Variants in PPP1R14C observed in about 807,000 individuals in gnomAD.
PPP1R14C encodes protein phosphatase 1 regulatory subunit 14C.
PPP1R14C carries 16 observed loss-of-function variants against 20.4 expected under a neutral mutation model. The observed-to-expected ratio is 0.78, with a 90% CI of 0.53 to 1.19. The LOEUF is 1.19. Among genes scored for constraint, PPP1R14C ranks in the 50% most tolerant of loss-of-function variants. The probability of loss-of-function intolerance (pLI) is 0.00; values close to 1 mark genes in which losing one functional copy is unlikely to be tolerated. For missense variants in PPP1R14C, 211 were observed against 220.1 expected (o/e 0.96, Z 0.26); for synonymous variants, 91 against 91.0 (o/e 1.00, Z 0.00).
At chr6:150,154,656 C>A (rs1046524425) in intron 1 of PPP1R14C, among the ~76,000 whole-genome samples, 1 of 152,208 alleles carries the variant, frequency 6.6e-6, no homozygotes, top group Non-Finnish European at 1.5e-5. Flanking sequence ...TAGACTAGTT[C>A]ACCAAAGGGC....
At chr6:150,168,564 A>AAC (rs781378361) in intron 1 of PPP1R14C, among the ~76,000 whole-genome samples, 1 of 142,054 alleles carries the variant, frequency 7.0e-6, no homozygotes, top group African/African-American at 2.7e-5. Context: ...AACAAAACAA[A>AAC]AAAACCCTTG....
At chr6:150,227,781 T>G (rs1393989198) in intron 3 of PPP1R14C, among the ~76,000 whole-genome samples, 1 of 152,200 alleles carries the variant, frequency 6.6e-6, no homozygotes, top group East Asian at 1.9e-4. Flanking sequence ...AAAACTACAT[T>G]TTAGTGGCTG....
chr6:150,160,126 G>T (rs1777348120), intron 1 of PPP1R14C, among the ~76,000 whole-genome samples: 1 of 152,104 alleles, frequency 6.6e-6, no homozygotes, highest in South Asian at 2.1e-4. Flanking sequence ...TGTCAACGTG[G>T]CTTATTACTG....
At chr6:150,162,483 A>G (rs748157369) in intron 1 of PPP1R14C, among the ~76,000 whole-genome samples, 1 of 152,124 alleles carries the variant, frequency 6.6e-6, no homozygotes, top group African/African-American at 2.4e-5. Flanking sequence ...TCACTACACA[A>G]TATACATTTA....
intron 1 of PPP1R14C, among the ~76,000 whole-genome samples, chr6:150,169,115 G>T (rs1056709119): frequency 6.6e-6 from 1 of 152,162 alleles, no homozygotes; most frequent in African/African-American, 2.4e-5. Context: ...GAGCTCAGGC[G>T]ATCCACCCAT....
At chr6:150,189,073 G>A (rs1414185628) in intron 1 of PPP1R14C, among the ~76,000 whole-genome samples, 1 of 151,510 alleles carries the variant, frequency 6.6e-6, no homozygotes, top group Non-Finnish European at 1.5e-5. Context: ...TGGTCAGGCT[G>A]GTCTCAAACT....
chr6:150,223,594 G>A (rs1324638058), intron 3 of PPP1R14C, among the ~76,000 whole-genome samples: 1 of 152,064 alleles, frequency 6.6e-6, no homozygotes, highest in African/African-American at 2.4e-5. Flanking sequence ...CTCTGGTGAC[G>A]TATGATTTGG....
intron 1 of PPP1R14C, among the ~76,000 whole-genome samples, chr6:150,150,753 C>T (rs1330626987): frequency 6.6e-6 from 1 of 152,106 alleles, no homozygotes; most frequent in African/African-American, 2.4e-5. Flanking sequence ...GACCAGCCAC[C>T]CTCCAGGCAC....
chr6:150,190,776 C>T (rs1254427164), intron 1 of PPP1R14C, among the ~76,000 whole-genome samples: 2 of 152,156 alleles, frequency 1.3e-5, no homozygotes, highest in African/African-American at 4.8e-5. Context: ...GCTCTACCTT[C>T]AAAATAGACC....
intron 1 of PPP1R14C, among the ~76,000 whole-genome samples, chr6:150,151,071 G>T (rs1420665173): frequency 6.6e-6 from 1 of 150,964 alleles, no homozygotes; most frequent in Non-Finnish European, 1.5e-5. Flanking sequence ...TCACTCCTGC[G>T]TGCTGTTTTT....
intron 2 of PPP1R14C, among the ~76,000 whole-genome samples, 176 bp downstream of exon 2, chr6:150,215,003 C>T (rs1371424717): frequency 6.6e-6 from 1 of 152,216 alleles, no homozygotes; most frequent in Admixed American, 6.5e-5. Flanking sequence ...TAAACTGCCT[C>T]TCTGAGGATA....
chr6:150,182,955 A>G (rs1777638407), intron 1 of PPP1R14C, among the ~76,000 whole-genome samples: 1 of 151,874 alleles, frequency 6.6e-6, no homozygotes, highest in African/African-American at 2.4e-5. Flanking sequence ...AACACAATAG[A>G]AGCAATTGTA....
chr6:150,220,724 A>G (rs1279746415), intron 3 of PPP1R14C, among the ~76,000 whole-genome samples: 1 of 152,262 alleles, frequency 6.6e-6, no homozygotes, highest in Non-Finnish European at 1.5e-5. Flanking sequence ...CTTCGCAGCC[A>G]ACAGTGAAAT....
rs1778543704 is a variant in PPP1R14C at position 150,249,881 on chromosome 6, A to G, written c.*1061A>G. ...CACATTCTCTCAAGACAGTTGCTCT[A>G]GGAGCTGAGTTGCTGGTTTGGAAGT... On this transcript the variant is annotated 3_prime_UTR_variant, in exon 4 of 4. Transcript: ENST00000361131. 2 of 212,200 alleles carry G rather than the reference A, an allele frequency of 9.4e-6. No individual in the cohort carries two copies. Among genetic ancestry groups the G allele is most frequent in the South Asian group, 1.9e-4 (1 of 5,398 alleles). 13.1% of individuals were successfully genotyped at this position (212,200 alleles called of 1,614,324 possible). A position where few individuals can be genotyped will look rare whatever the true frequency, so the allele number is the denominator to read the frequency against.
chr6:150,215,895 G>A (rs992721143), intron 2 of PPP1R14C, among the ~76,000 whole-genome samples: 1 of 152,302 alleles, frequency 6.6e-6, no homozygotes, highest in East Asian at 1.9e-4. Flanking sequence ...ATCTTGCACA[G>A]GCTGGCTCAA....
chr6:150,244,168 T>TAAA (rs10660961), intron 3 of PPP1R14C, among the ~76,000 whole-genome samples: 4,298 of 146,904 alleles, frequency 0.029, 96 homozygotes, highest in African/African-American at 0.062. Flanking sequence ...ATAAAGCTGC[T>TAAA]AAAAAAAAAA....
At position 150,167,992 on chromosome 6, in the gene PPP1R14C, TCC is replaced by T. The variant is rs373849229; in HGVS notation, c.306+24495_306+24496del. Among the ~76,000 whole-genome samples, 90 of 19,874 alleles carry T rather than the reference TCC, an allele frequency of 4.5e-3. 12 individuals carry two copies. The highest frequency in any genetic ancestry group is 0.022 in the Middle Eastern group (1 of 46). 13.0% of individuals were successfully genotyped at this position (19,874 alleles called of 152,430 possible). On this transcript the variant is annotated intron_variant, in intron 1 of 3. Transcript: ENST00000361131. ...TTTCTCTCCTTCTCTCCTCCCCTCTTCCTCTCCCCCTTGCTTTCCTCCCACCC... is the reference window on the plus strand; with the variant it reads ...TTTCTCTCCTTCTCTCCTCCCCTCTTTCTCCCCCTTGCTTTCCTCCCACCC...
At chr6:150,175,603 CA>C (rs1483307847) in intron 1 of PPP1R14C, among the ~76,000 whole-genome samples, 2 of 152,106 alleles carry the variant, frequency 1.3e-5, no homozygotes, top group Non-Finnish European at 2.9e-5. Flanking sequence ...TTTCCAAATG[CA>C]AGGAAGTTAC....
chr6:150,231,899 G>A (rs1778300349), intron 3 of PPP1R14C, among the ~76,000 whole-genome samples: 2 of 152,062 alleles, frequency 1.3e-5, no homozygotes, highest in African/African-American at 4.8e-5. Flanking sequence ...TTGATACTCA[G>A]GCTGTATTCA....
Sources: gnomAD v4.1 joint callset for allele counts (sites outside exome capture counted in the v4.1 genomes callset) on GRCh38, gnomAD v4.1.1 for gene constraint, MANE v1.5 for transcripts, NCBI Gene and HGNC (gene_info 2026-07-23, HGNC 2026-07-21) for gene names.